The following IMMP2L variants were observed in gnomAD, a reference collection of about 807,000 sequenced individuals.
IMMP2L encodes the protein mitochondrial inner membrane protease subunit 2.
A neutral mutation model predicts 19.3 loss-of-function variants in IMMP2L; 18 were observed. That is an observed-to-expected ratio of 0.93 (90% CI 0.64 to 1.38). IMMP2L has a LOEUF of 1.38. Ranked by LOEUF, IMMP2L falls within the 40% of genes most tolerant of loss-of-function variation. IMMP2L has a pLI of 0.00. For synonymous variants in IMMP2L, 76 were observed against 73.0 expected (o/e 1.04, Z -0.21); for missense variants, 233 against 218.2 (o/e 1.07, Z -0.43).
intron 3 of IMMP2L, among the ~76,000 whole-genome samples, chr7:111,342,999 A>C (rs1160391377): frequency 6.6e-6 from 1 of 152,078 alleles, no homozygotes; most frequent in Non-Finnish European, 1.5e-5. Flanking sequence ...TTCAGTGAGG[A>C]CCTGTTTATA....
chr7:111,154,545 A>C (rs745416879), intron 3 of IMMP2L, among the ~76,000 whole-genome samples: 3 of 152,176 alleles, frequency 2.0e-5, no homozygotes, highest in Admixed American at 6.6e-5. Context: ...TTTCAGTAAA[A>C]AGAAAATAGT....
intron 3 of IMMP2L, among the ~76,000 whole-genome samples, chr7:111,348,613 A>G (rs1331076568): frequency 6.6e-6 from 1 of 152,174 alleles, no homozygotes; most frequent in Non-Finnish European, 1.5e-5. Flanking sequence ...AACAGTTAAC[A>G]TGAGTCTGCC....
At chr7:110,975,179 A>G (rs988349877) in intron 3 of IMMP2L, among the ~76,000 whole-genome samples, 5 of 152,172 alleles carry the variant, frequency 3.3e-5, no homozygotes, top group Non-Finnish European at 7.3e-5. Context: ...TTTAAAAAAT[A>G]AAAGGAAAAG....
intron 3 of IMMP2L, among the ~76,000 whole-genome samples, chr7:111,243,477 G>C (rs187795181): frequency 1.1e-3 from 159 of 150,426 alleles, no homozygotes; most frequent in Middle Eastern, 3.5e-3. Flanking sequence ...TATGCTTATA[G>C]AAGTAAAGTG....
chr7:111,180,845 G>A (rs10257931), intron 3 of IMMP2L, among the ~76,000 whole-genome samples: 5 of 151,904 alleles, frequency 3.3e-5, no homozygotes, highest in Non-Finnish European at 5.9e-5. Flanking sequence ...AAATTTGACA[G>A]ACTGTATATT....
At chr7:110,896,883 T>A (rs1811384859) in intron 4 of IMMP2L, among the ~76,000 whole-genome samples, 1 of 152,108 alleles carries the variant, frequency 6.6e-6, no homozygotes, top group Non-Finnish European at 1.5e-5. Flanking sequence ...CATAGCTCAC[T>A]GCAGCTGTAG....
intron 4 of IMMP2L, among the ~76,000 whole-genome samples, chr7:110,917,974 C>A (rs1228366899): frequency 6.6e-6 from 1 of 152,076 alleles, no homozygotes; most frequent in Non-Finnish European, 1.5e-5. Context: ...AAATAAAAGT[C>A]AGTCCCTTCT....
In IMMP2L at chr7:111,213,447, G is replaced by C. The variant is rs552704001; in HGVS notation, c.240-249882C>G. Among the ~76,000 whole-genome samples the C allele has an allele frequency of 1.3e-5, 2 of 152,262 alleles. No individual in the cohort carries two copies. The highest frequency in any genetic ancestry group is 2.1e-4 in the South Asian group (1 of 4,818). On this transcript the variant is annotated intron_variant, in intron 3 of 5. Transcript: ENST00000405709. This position sits in a 1 kb window ranked among gnomAD's most constrained non-coding sequence, Gnocchi z 4.8. ...AGGCAGACGCGCTCCTGAGTGGAAG[G>C]GGGTGGGTCCCTAGCAAGGCCCCAC...
chr7:111,459,040 C>A (rs1839914954), intron 3 of IMMP2L, among the ~76,000 whole-genome samples: 1 of 152,118 alleles, frequency 6.6e-6, no homozygotes, highest in South Asian at 2.1e-4. Context: ...TATGTCACCA[C>A]AGGATGCTAA....
chr7:111,096,251 A>C (rs1797385099), intron 3 of IMMP2L, among the ~76,000 whole-genome samples: 1 of 151,840 alleles, frequency 6.6e-6, no homozygotes, highest in Admixed American at 6.6e-5. Flanking sequence ...GAGGTTAGAG[A>C]CTTGCTAGCA....
In IMMP2L at chr7:110,712,128, C is replaced by A. The variant is rs1408522560; in HGVS notation, c.409-48407G>T. On this transcript the variant is annotated intron_variant, in intron 5 of 5. Coordinates refer to ENST00000405709, the MANE Select transcript of IMMP2L (RefSeq NM_032549.4). ...CAGTTTTTCTGTTCCGTTTTTTCCCCATCTTTGTGGTTTTATCTACTTTTG... is the reference window on the plus strand; with the variant it reads ...CAGTTTTTCTGTTCCGTTTTTTCCCAATCTTTGTGGTTTTATCTACTTTTG... Among the ~76,000 whole-genome samples the A allele has an allele frequency of 3.6e-5, 4 of 109,900 alleles. 1 individual carries two copies. Among genetic ancestry groups the A allele is most frequent in the Non-Finnish European group, 8.5e-5 (4 of 47,210 alleles). The allele number at this position is 109,900 out of a possible 152,430, so 72.1% of individuals were successfully genotyped here. A position where few individuals can be genotyped will look rare whatever the true frequency, so the allele number is the denominator to read the frequency against.
At chr7:110,799,444 A>G (rs1184188635) in intron 5 of IMMP2L, among the ~76,000 whole-genome samples, 1 of 152,020 alleles carries the variant, frequency 6.6e-6, no homozygotes, top group African/African-American at 2.4e-5. Flanking sequence ...TATAAAATGA[A>G]TTTAGATTGT....
intron 4 of IMMP2L, among the ~76,000 whole-genome samples, chr7:110,947,979 TA>T (rs1302001098): frequency 2.0e-5 from 3 of 152,152 alleles, no homozygotes; most frequent in African/African-American, 7.2e-5. Flanking sequence ...CAGGTTTCAC[TA>T]CACAATTTAC....
chr7:110,807,209 C>T (rs1352543162), intron 5 of IMMP2L, among the ~76,000 whole-genome samples: 1 of 152,006 alleles, frequency 6.6e-6, no homozygotes, highest in Non-Finnish European at 1.5e-5. Context: ...AAGCTTTATT[C>T]TTCAAGCCTA....
At chr7:110,672,409 C>A (rs914577480) in intron 5 of IMMP2L, among the ~76,000 whole-genome samples, 8 of 152,098 alleles carry the variant, frequency 5.3e-5, no homozygotes, top group African/African-American at 1.9e-4. Context: ...GGGGACACAA[C>A]CAAACCATAT....
At chr7:110,943,821 C>T (rs1816968705) in intron 4 of IMMP2L, among the ~76,000 whole-genome samples, 1 of 151,984 alleles carries the variant, frequency 6.6e-6, no homozygotes, top group African/African-American at 2.4e-5. Flanking sequence ...CTTTGCTATG[C>T]AGGGACAATC....
intron 3 of IMMP2L, among the ~76,000 whole-genome samples, chr7:111,089,029 A>G (rs1186160027): frequency 6.6e-6 from 1 of 152,210 alleles, no homozygotes; most frequent in African/African-American, 2.4e-5. Flanking sequence ...TAAATTTATC[A>G]TGTACCTACA....
intron 4 of IMMP2L, among the ~76,000 whole-genome samples, chr7:110,933,772 T>G (rs1815765378): frequency 6.6e-6 from 1 of 152,152 alleles, no homozygotes; most frequent in Non-Finnish European, 1.5e-5. Context: ...AAAGTACAGA[T>G]TTTCCCTTTT....
chr7:111,416,985 C>T (rs1198095799), intron 3 of IMMP2L, among the ~76,000 whole-genome samples: 1 of 151,620 alleles, frequency 6.6e-6, no homozygotes, highest in African/African-American at 2.4e-5. Context: ...TCTATTTAAA[C>T]TGAAAATAAT....
Sources: gnomAD v4.1 joint callset for allele counts (sites outside exome capture counted in the v4.1 genomes callset) on GRCh38, gnomAD v4.1.1 for gene constraint, Gnocchi (gnomAD v3.1) non-coding constraint, MANE v1.5 for transcripts, NCBI Gene and HGNC (gene_info 2026-07-23, HGNC 2026-07-21) for gene names.